Variants in ARNT observed in about 807,000 individuals in gnomAD.
ARNT encodes the protein aryl hydrocarbon receptor nuclear translocator, also known as class E basic helix-loop-helix protein 2.
ARNT carries 30 observed loss-of-function variants against 105.0 expected under a neutral mutation model. The ratio of observed to expected loss-of-function variants is 0.29; its 90% CI spans 0.21 to 0.39. The LOEUF (loss-of-function observed/expected upper bound fraction) is 0.39, where lower values mean the gene tolerates loss of function less well. Ranked by LOEUF, ARNT falls within the 10% of genes least tolerant of loss-of-function variation. ARNT has a pLI of 1.00. For missense variants in ARNT, 748 were observed against 978.7 expected, an observed-to-expected ratio of 0.76 and a Z score of 3.15; for synonymous variants, 304 against 344.0, an observed-to-expected ratio of 0.88 and a Z score of 1.29.
intron 14 of ARNT, among the ~76,000 whole-genome samples, chr1:150,818,611 C>T (rs587753023): frequency 1.2e-4 from 19 of 152,024 alleles, no homozygotes; most frequent in African/African-American, 4.1e-4. Context: ...AATTAGCAGG[C>T]GTGGTGGCGG....
rs587633074 is a variant in ARNT, at chr1:150,876,450, C to T, written c.25+93G>A. 1.1e-4 allele frequency: 161 copies of T among 1,520,200 alleles called. No homozygotes were observed. In the East Asian group the frequency reaches 4.2e-3, roughly 40 times the overall value. The allele number at this position is 1,520,200 out of a possible 1,614,324, so 94.2% of individuals were successfully genotyped here. On this transcript the variant is annotated intron_variant, in intron 1 of 21. Coordinates refer to ENST00000358595, the MANE Select transcript of ARNT (RefSeq NM_001668.4). The stretch of plus-strand genomic sequence containing the variant: ...CCCCGCCCCGCCCCGGCGCCTTCAG[C>T]TCCAGCTGCGTCCCCTCAGCCCTGG...
chr1:150,868,915 T>A (rs1308703364), intron 1 of ARNT, among the ~76,000 whole-genome samples: 4 of 147,548 alleles, frequency 2.7e-5, no homozygotes, highest in African/African-American at 7.5e-5. Flanking sequence ...AATAATAAAA[T>A]TTAAAAAAAA....
chr1:150,820,587 G>A (rs1656842354), intron 14 of ARNT, among the ~76,000 whole-genome samples: 1 of 152,100 alleles, frequency 6.6e-6, no homozygotes. Flanking sequence ...AGCCTGGGAG[G>A]TTCAAGCTGC....
chr1:150,813,386 C>A (rs1260150844), intron 20 of ARNT, 48 bp from the exon 21 acceptor site: 2 of 1,524,574 alleles, frequency 1.3e-6, no homozygotes, highest in Non-Finnish European at 1.8e-6. Context: ...TACACAATTC[C>A]ATTGTGTACT....
chr1:150,827,793 CAGCA>C (rs1658577311), intron 12 of ARNT, among the ~76,000 whole-genome samples: 1 of 152,194 alleles, frequency 6.6e-6, no homozygotes, highest in Non-Finnish European at 1.5e-5. Flanking sequence ...ACATGTCTAT[CAGCA>C]ATGTATGAGG....
At chr1:150,855,600 G>A (rs1167819935) in intron 2 of ARNT, among the ~76,000 whole-genome samples, 2 of 151,910 alleles carry the variant, frequency 1.3e-5, no homozygotes, top group African/African-American at 2.4e-5. Context: ...TATAGAATAT[G>A]TAACAATATT....
At chr1:150,831,074 G>C (rs1373161950) in intron 10 of ARNT, among the ~76,000 whole-genome samples, 1 of 152,104 alleles carries the variant, frequency 6.6e-6, no homozygotes, top group Non-Finnish European at 1.5e-5. Flanking sequence ...TGAGAAAACT[G>C]AGCTTTATAA....
chr1:150,840,582 G>A (rs1291266010), intron 5 of ARNT, among the ~76,000 whole-genome samples: 1 of 152,192 alleles, frequency 6.6e-6, no homozygotes, highest in Non-Finnish European at 1.5e-5. Flanking sequence ...ATCTGGGTGT[G>A]CTGCCAGTGC....
At chr1:150,868,167 G>C (rs1209166955) in intron 1 of ARNT, among the ~76,000 whole-genome samples, 1 of 151,812 alleles carries the variant, frequency 6.6e-6, no homozygotes, top group Non-Finnish European at 1.5e-5. Context: ...TTTAGTTCTA[G>C]CCCCAAGCCG....
chr1:150,843,136 T>A (rs1661569386), intron 4 of ARNT, among the ~76,000 whole-genome samples: 1 of 152,190 alleles, frequency 6.6e-6, no homozygotes, highest in Non-Finnish European at 1.5e-5. Context: ...GTTCCTAAAA[T>A]AATTATTAAC....
At chr1:150,817,300 C>T in intron 16 of ARNT, 61 bp downstream of exon 16, 4 of 1,610,696 alleles carry the variant, frequency 2.5e-6, no homozygotes, top group African/African-American at 1.3e-5. Context: ...CTAACTAGTA[C>T]CGGAGAACAC....
At chr1:150,834,270 T>C (rs980864329) in intron 8 of ARNT, among the ~76,000 whole-genome samples, 5 of 152,170 alleles carry the variant, frequency 3.3e-5, no homozygotes, top group African/African-American at 1.2e-4. Context: ...TGTTTTTCCA[T>C]CTGCAAAATG....
intron 9 of ARNT, 142 bp from the exon 10 acceptor site, chr1:150,832,045 C>A: frequency 1.4e-6 from 1 of 717,946 alleles, no homozygotes. Context: ...CAAAAATGAC[C>A]GCCACATTTT....
At chr1:150,863,527 G>C (rs1410811173) in intron 1 of ARNT, among the ~76,000 whole-genome samples, 4 of 151,616 alleles carry the variant, frequency 2.6e-5, no homozygotes. Flanking sequence ...ATCAAACTGG[G>C]CCTTAAAAAA....
chr1:150,873,687 G>A (rs1667818733), intron 1 of ARNT, among the ~76,000 whole-genome samples: 1 of 152,088 alleles, frequency 6.6e-6, no homozygotes, highest in African/African-American at 2.4e-5. Flanking sequence ...AGGAGGCTAA[G>A]GTGGGAGGAT....
intron 5 of ARNT, among the ~76,000 whole-genome samples, chr1:150,841,361 C>CT (rs997919870): frequency 2.0e-5 from 3 of 151,760 alleles, no homozygotes; most frequent in African/African-American, 7.3e-5. Flanking sequence ...ACATAAATCT[C>CT]TTTTTTCTGA....
At chr1:150,835,138 C>A (rs376877703) in intron 7 of ARNT, among the ~76,000 whole-genome samples, 291 of 134,022 alleles carry the variant, frequency 2.2e-3, no homozygotes, top group Middle Eastern at 3.8e-3. Flanking sequence ...GACCTTGTCT[C>A]AAAAAAAAAA....
intron 9 of ARNT, 137 bp from the exon 10 acceptor site, chr1:150,832,040 A>T: frequency 1.4e-6 from 1 of 726,436 alleles, no homozygotes; most frequent in Non-Finnish European, 2.3e-6. Context: ...CCACCCAAAA[A>T]TGACCGCCAC....
intron 8 of ARNT, 105 bp from the exon 9 acceptor site, chr1:150,832,504 A>C: frequency 1.9e-6 from 2 of 1,031,740 alleles, no homozygotes; most frequent in Non-Finnish European, 3.0e-6. Context: ...AGACATAGAA[A>C]ATTGGTAATG....
Sources: gnomAD v4.1 joint callset for allele counts (sites outside exome capture counted in the v4.1 genomes callset) on GRCh38, gnomAD v4.1.1 for gene constraint, MANE v1.5 for transcripts, NCBI Gene and HGNC (gene_info 2026-07-23, HGNC 2026-07-21) for gene names.